Variants in KCNIP4 observed in about 807,000 individuals in gnomAD.
KCNIP4 encodes the protein Kv channel-interacting protein 4.
A neutral mutation model predicts 34.0 loss-of-function variants in KCNIP4; 12 were observed. The observed-to-expected ratio is 0.35, with a 90% CI of 0.23 to 0.57. KCNIP4 has a LOEUF of 0.57. Among genes scored for constraint, KCNIP4 ranks in the 20% least tolerant of loss-of-function variants. KCNIP4 has a pLI of 0.83. For synonymous variants in KCNIP4, 124 were observed against 102.2 expected (o/e 1.21, Z -1.29); for missense variants, 238 against 311.7 (o/e 0.76, Z 1.78).
intron 1 of KCNIP4, among the ~76,000 whole-genome samples, chr4:21,871,964 C>G (rs893101669): frequency 6.6e-6 from 1 of 151,876 alleles, no homozygotes; most frequent in Non-Finnish European, 1.5e-5. Flanking sequence ...TTGGAATAGT[C>G]CTGAATAAAG....
intron 1 of KCNIP4, among the ~76,000 whole-genome samples, chr4:21,275,616 T>A (rs1438712415): frequency 6.6e-6 from 1 of 152,186 alleles, no homozygotes; most frequent in African/African-American, 2.4e-5. Flanking sequence ...TTTATACAGA[T>A]AAGGAGGACT....
chr4:20,942,562 C>G (rs187594168), intron 1 of KCNIP4, among the ~76,000 whole-genome samples: 3 of 152,320 alleles, frequency 2.0e-5, no homozygotes, highest in Admixed American at 6.5e-5. Flanking sequence ...TTATTATCCA[C>G]AGTGCTCAGA....
At chr4:20,974,609 C>T (rs1735300392) in intron 1 of KCNIP4, among the ~76,000 whole-genome samples, 1 of 152,276 alleles carries the variant, frequency 6.6e-6, no homozygotes, top group Middle Eastern at 3.4e-3. Flanking sequence ...TGCTCAGATG[C>T]AGCTCAAAGA....
chr4:20,807,880 C>G (rs114212066), intron 3 of KCNIP4, among the ~76,000 whole-genome samples: 70 of 152,200 alleles, frequency 4.6e-4, no homozygotes, highest in African/African-American at 1.4e-3. Flanking sequence ...TGGAAGATAA[C>G]GATGTCTTCA....
intron 1 of KCNIP4, among the ~76,000 whole-genome samples, chr4:21,305,406 G>A (rs1242562512): frequency 6.6e-6 from 1 of 152,182 alleles, no homozygotes; most frequent in Non-Finnish European, 1.5e-5. Flanking sequence ...TCACTCTGTT[G>A]AGGGAATTAA....
At chr4:21,735,588 C>T (rs1473697229) in intron 1 of KCNIP4, among the ~76,000 whole-genome samples, 4 of 152,192 alleles carry the variant, frequency 2.6e-5, no homozygotes, top group Non-Finnish European at 4.4e-5. Flanking sequence ...AGGAGTTCAG[C>T]GAAGCCTCCA....
chr4:21,114,193 T>G (rs1749493603), intron 1 of KCNIP4, among the ~76,000 whole-genome samples: 3 of 152,188 alleles, frequency 2.0e-5, no homozygotes, highest in Non-Finnish European at 4.4e-5. Context: ...TGTCTCTCCC[T>G]GCAGAGATTC....
intron 1 of KCNIP4, among the ~76,000 whole-genome samples, chr4:21,193,667 G>T (rs1577866089): frequency 1.4e-5 from 2 of 147,292 alleles, no homozygotes; most frequent in East Asian, 4.0e-4. Flanking sequence ...CGCCTCCTGG[G>T]TTCACGCCAT....
At chr4:20,840,857 T>C (rs1271973135) in intron 3 of KCNIP4, among the ~76,000 whole-genome samples, 3 of 152,180 alleles carry the variant, frequency 2.0e-5, no homozygotes, top group Non-Finnish European at 4.4e-5. Flanking sequence ...TTGAAATATG[T>C]TGCAAGAGTG....
At chr4:20,821,836 A>G (rs993379230) in intron 3 of KCNIP4, among the ~76,000 whole-genome samples, 1 of 151,868 alleles carries the variant, frequency 6.6e-6, no homozygotes, top group Non-Finnish European at 1.5e-5. Flanking sequence ...GCTGAGTAGT[A>G]TTTCATGGTG....
intron 1 of KCNIP4, among the ~76,000 whole-genome samples, chr4:21,628,684 C>G (rs963343099): frequency 1.3e-5 from 2 of 152,014 alleles, no homozygotes; most frequent in Admixed American, 1.3e-4. Context: ...TCAATGTGAT[C>G]CTATGTTGTC....
chr4:21,469,496 A>C (rs2109800687), intron 1 of KCNIP4, among the ~76,000 whole-genome samples: 1 of 152,320 alleles, frequency 6.6e-6, no homozygotes, highest in East Asian at 1.9e-4. Flanking sequence ...TAATATCTTC[A>C]TCTTAAAAAC....
intron 1 of KCNIP4, among the ~76,000 whole-genome samples, chr4:21,311,518 A>G (rs932593383): frequency 1.3e-5 from 2 of 152,020 alleles, no homozygotes; most frequent in African/African-American, 4.8e-5. Context: ...GTGAAACCCC[A>G]TCTCTACTAA....
intron 1 of KCNIP4, among the ~76,000 whole-genome samples, chr4:21,277,543 G>T (rs1762514412): frequency 6.6e-6 from 1 of 152,098 alleles, no homozygotes; most frequent in South Asian, 2.1e-4. Flanking sequence ...AAAGAAAATT[G>T]TTAGCAGATA....
At chr4:20,896,436 G>C (rs1341583188) in intron 1 of KCNIP4, among the ~76,000 whole-genome samples, 1 of 152,170 alleles carries the variant, frequency 6.6e-6, no homozygotes, top group African/African-American at 2.4e-5. Flanking sequence ...TTAATATAAA[G>C]TTATATTGGT....
At chr4:21,268,649 A>G (rs564126719) in intron 1 of KCNIP4, among the ~76,000 whole-genome samples, 2 of 152,310 alleles carry the variant, frequency 1.3e-5, no homozygotes, top group South Asian at 2.1e-4. Context: ...GCAGAGGAAC[A>G]TTTCTTTTAC....
intron 1 of KCNIP4, among the ~76,000 whole-genome samples, chr4:21,770,778 C>T (rs1718727747): frequency 6.6e-6 from 1 of 152,134 alleles, no homozygotes; most frequent in Admixed American, 6.5e-5. Context: ...CCTTTGCCCA[C>T]TTTTTGATGG....
chr4:21,874,346 T>C (rs1457621966), intron 1 of KCNIP4, among the ~76,000 whole-genome samples: 4 of 152,200 alleles, frequency 2.6e-5, no homozygotes, highest in Non-Finnish European at 5.9e-5. Flanking sequence ...TCACATTTAC[T>C]CTCTGTCCTT....
chr4:20,973,927 A>G (rs1735228209), intron 1 of KCNIP4, among the ~76,000 whole-genome samples: 1 of 152,212 alleles, frequency 6.6e-6, no homozygotes, highest in Non-Finnish European at 1.5e-5. Flanking sequence ...TATATGGTAT[A>G]AAAATTTCTC....
Sources: allele counts gnomAD v4.1 joint callset (sites outside exome capture counted in the v4.1 genomes callset), GRCh38; gene constraint gnomAD v4.1.1; transcripts MANE v1.5; gene names NCBI Gene and HGNC (gene_info 2026-07-23, HGNC 2026-07-21).